The following SCAPER variants were observed in gnomAD, a reference collection of about 807,000 sequenced individuals.
SCAPER encodes the protein S phase cyclin A-associated protein in the endoplasmic reticulum.
In SCAPER, 98 loss-of-function variants were observed where a neutral mutation model predicts 182.2. The observed-to-expected ratio is 0.54, with a 90% CI of 0.46 to 0.64. The LOEUF is 0.64. Ranked by LOEUF, SCAPER falls within the 30% of genes least tolerant of loss-of-function variation. The pLI is 0.00. For synonymous variants in SCAPER, 605 were observed against 564.6 expected, an observed-to-expected ratio of 1.07 and a Z score of -1.01; for missense variants, 1,432 against 1,690.0, an observed-to-expected ratio of 0.85 and a Z score of 2.68.
At chr15:76,577,307 T>C (rs2047906768) in intron 22 of SCAPER, among the ~76,000 whole-genome samples, 1 of 151,972 alleles carries the variant, frequency 6.6e-6, no homozygotes, top group African/African-American at 2.4e-5. Flanking sequence ...ATTAGCTGGG[T>C]GTGGTGGCAC....
At chr15:76,786,739 A>G (rs1384488081) in intron 8 of SCAPER, among the ~76,000 whole-genome samples, 1 of 152,230 alleles carries the variant, frequency 6.6e-6, no homozygotes, top group East Asian at 1.9e-4. Flanking sequence ...TTTTTAGATG[A>G]CATAATAGAA....
At chr15:76,376,342 T>G (rs1165678978) in intron 28 of SCAPER, 31 bp from the exon 29 acceptor site, 3 of 1,586,862 alleles carry the variant, frequency 1.9e-6, no homozygotes, top group South Asian at 2.3e-5. Context: ...TTAGAAGCCC[T>G]CAGCCCAGGG....
chr15:76,708,659 A>G (rs1598292774), intron 17 of SCAPER, among the ~76,000 whole-genome samples: 1 of 152,220 alleles, frequency 6.6e-6, no homozygotes, highest in East Asian at 1.9e-4. Flanking sequence ...CAGAAACACA[A>G]CATAGAAATG....
At chr15:76,652,369 C>CATATATAT (rs1431041058) in intron 21 of SCAPER, among the ~76,000 whole-genome samples, 49 of 13,652 alleles carry the variant, frequency 3.6e-3, no homozygotes, top group East Asian at 5.6e-3. Flanking sequence ...CACACACACA[C>CATATATAT]ACATATATAT....
intron 8 of SCAPER, among the ~76,000 whole-genome samples, chr15:76,784,406 A>T (rs1213290851): frequency 6.6e-6 from 1 of 152,246 alleles, no homozygotes; most frequent in Admixed American, 6.5e-5. Context: ...AAATGGAAGA[A>T]TATTCCATGC....
intron 29 of SCAPER, among the ~76,000 whole-genome samples, chr15:76,367,774 G>C (rs2041906173): frequency 6.6e-6 from 1 of 152,138 alleles, no homozygotes; most frequent in African/African-American, 2.4e-5. Flanking sequence ...TGTGAAGTTG[G>C]TAACTTTTAA....
intron 29 of SCAPER, among the ~76,000 whole-genome samples, chr15:76,356,362 G>C (rs1300818468): frequency 1.3e-5 from 2 of 152,140 alleles, no homozygotes; most frequent in African/African-American, 4.8e-5. Flanking sequence ...GTTGTCTTGA[G>C]AGGGTTGTCT....
chr15:76,645,351 G>A (rs983992660), intron 21 of SCAPER, among the ~76,000 whole-genome samples: 1 of 152,108 alleles, frequency 6.6e-6, no homozygotes, highest in African/African-American at 2.4e-5. Context: ...ACAAATATGT[G>A]CCATAATTTA....
At chr15:76,716,222 C>T (rs1315420073) in intron 17 of SCAPER, among the ~76,000 whole-genome samples, 1 of 152,094 alleles carries the variant, frequency 6.6e-6, no homozygotes, top group African/African-American at 2.4e-5. Flanking sequence ...AACTAAGAAG[C>T]TGCATGATAA....
intron 8 of SCAPER, among the ~76,000 whole-genome samples, chr15:76,784,115 T>C (rs928030156): frequency 3.3e-5 from 5 of 152,202 alleles, no homozygotes; most frequent in African/African-American, 9.7e-5. Context: ...GCAGATGACA[T>C]GATTGTATAT....
intron 22 of SCAPER, among the ~76,000 whole-genome samples, chr15:76,615,736 C>T (rs2051419064): frequency 6.7e-6 from 1 of 148,890 alleles, no homozygotes; most frequent in Non-Finnish European, 1.5e-5. Flanking sequence ...AGGAGAATTA[C>T]TTGAACCCGG....
At chr15:76,622,836 C>T (rs897362131) in intron 21 of SCAPER, among the ~76,000 whole-genome samples, 1 of 152,060 alleles carries the variant, frequency 6.6e-6, no homozygotes, top group Non-Finnish European at 1.5e-5. Context: ...GATATTTGTC[C>T]CCTCCACATC....
In SCAPER at chr15:76,867,548, G is replaced by C. The variant is rs533345748; in HGVS notation, c.7-5015C>G. The stretch of plus-strand genomic sequence containing the variant: ...TAAAACCATAGATGAACTAAGGATG[G>C]CTAAACTATTATAAGGGGGAAACAA... On this transcript the variant is annotated intron_variant, in intron 2 of 31. Transcript: ENST00000563290. Among the ~76,000 whole-genome samples the C allele has an allele frequency of 1.2e-4, 19 of 152,262 alleles. No individual in the cohort carries two copies. In the East Asian group the frequency reaches 3.5e-3, roughly 28 times the overall value.
At chr15:76,613,478 AACAG>A (rs368116164) in intron 22 of SCAPER, among the ~76,000 whole-genome samples, 85 of 152,310 alleles carry the variant, frequency 5.6e-4, no homozygotes, top group African/African-American at 1.8e-3. Flanking sequence ...CAACAGGGTA[AACAG>A]ACAAACTACA....
At chr15:76,562,023 A>G (rs1348006623) in intron 23 of SCAPER, among the ~76,000 whole-genome samples, 1 of 151,386 alleles carries the variant, frequency 6.6e-6, no homozygotes, top group South Asian at 2.1e-4. Context: ...GCACGTGCCT[A>G]TAATCCCCCA....
At chr15:76,363,747 T>C (rs568313534) in intron 29 of SCAPER, among the ~76,000 whole-genome samples, 4 of 152,356 alleles carry the variant, frequency 2.6e-5, no homozygotes, top group East Asian at 1.9e-4. Flanking sequence ...TTGTAAATCA[T>C]TGGAACAAAG....
intron 25 of SCAPER, among the ~76,000 whole-genome samples, chr15:76,459,057 G>A (rs1008106875): frequency 6.6e-6 from 1 of 151,944 alleles, no homozygotes; most frequent in East Asian, 1.9e-4. Context: ...ACCATGCCTG[G>A]CAAATTCTTT....
chr15:76,572,726 T>A (rs1404313691), intron 23 of SCAPER, among the ~76,000 whole-genome samples: 1 of 152,084 alleles, frequency 6.6e-6, no homozygotes, highest in East Asian at 1.9e-4. Context: ...ACCTACTTAA[T>A]CAGAAATCCG....
chr15:76,504,738 A>T, intron 24 of SCAPER, 121 bp downstream of exon 24: 1 of 722,364 alleles, frequency 1.4e-6, no homozygotes. Context: ...GGGGAGTGTA[A>T]GATTTTGGTA....
Sources: allele counts gnomAD v4.1 joint callset (sites outside exome capture counted in the v4.1 genomes callset), GRCh38; gene constraint gnomAD v4.1.1; transcripts MANE v1.5; gene names NCBI Gene and HGNC (gene_info 2026-07-23, HGNC 2026-07-21).